MLIP: variants seen among roughly 807,000 people sequenced by gnomAD.
The protein encoded by MLIP is muscular LMNA-interacting protein.
MLIP carries 79 observed loss-of-function variants against 84.8 expected under a neutral mutation model. That is an observed-to-expected ratio of 0.93 (90% CI 0.78 to 1.12). The LOEUF (loss-of-function observed/expected upper bound fraction) is 1.12. Ranked by LOEUF, MLIP falls within the 50% of genes most tolerant of loss-of-function variation. MLIP has a pLI of 0.00. For synonymous variants in MLIP, 504 were observed against 463.0 expected, an observed-to-expected ratio of 1.09 and a Z score of -1.14; for missense variants, 1,257 against 1,160.6, an observed-to-expected ratio of 1.08 and a Z score of -1.21.
rs1193727976 is a variant in MLIP at position 54,169,588 on chromosome 6, A to G, written c.2544+16A>G. 6.4e-7 allele frequency: 1 copy of G among 1,565,866 alleles called. No individual in the cohort carries two copies. The stretch of plus-strand genomic sequence containing the variant: ...AACCAAATATGTAAGTACCTTTATA[A>G]TTATACACACTGCTTTTCAAATGGG... On this transcript the variant is annotated intron_variant, in intron 9 of 13. Coordinates refer to ENST00000502396, the MANE Select transcript of MLIP (RefSeq NM_001281747.2).
chr6:54,215,455 A>G, intron 11 of MLIP: 1 of 1,151,898 alleles, frequency 8.7e-7, no homozygotes, highest in Non-Finnish European at 1.1e-6. Context: ...AATTTTTTCC[A>G]AGTGCTTTCA....
intron 1 of MLIP, among the ~76,000 whole-genome samples, chr6:54,023,248 C>G (rs545757398): frequency 4.6e-5 from 7 of 151,426 alleles, no homozygotes; most frequent in African/African-American, 1.7e-4. Context: ...AGACTTGGTA[C>G]AATCAAATCA....
Position 54,119,545 on chromosome 6 carries a change from G to A in MLIP, c.97-1902G>A, listed in dbSNP as rs566816019. On this transcript the variant is annotated intron_variant, in intron 1 of 13. Coordinates refer to ENST00000502396, the MANE Select transcript of MLIP (RefSeq NM_001281747.2). ...TACCAGAGGCTGTGGTTGGTAGGAG[G>A]GAGGGGACTTGAGGAGATGTTGGTC... is the stretch of plus-strand genomic sequence containing the variant. Among the ~76,000 whole-genome samples, 3 of 152,252 alleles carry A rather than the reference G, an allele frequency of 2.0e-5. No individual in the cohort carries two copies. The South Asian group carries it at 6.2e-4, about 32-fold the overall frequency.
intron 1 of MLIP, among the ~76,000 whole-genome samples, chr6:54,099,768 G>T (rs1768503371): frequency 6.6e-6 from 1 of 152,148 alleles, no homozygotes; most frequent in Non-Finnish European, 1.5e-5. Context: ...TTTAGAATTG[G>T]TAATTAGAAC....
chr6:54,237,160 G>A (rs1781419513), intron 12 of MLIP, among the ~76,000 whole-genome samples: 1 of 151,776 alleles, frequency 6.6e-6, no homozygotes, highest in Admixed American at 6.6e-5. Context: ...AGACAAGGAG[G>A]AGAGGCATCT....
chr6:54,249,805 T>C (rs1294943013), intron 12 of MLIP, among the ~76,000 whole-genome samples: 1 of 151,918 alleles, frequency 6.6e-6, no homozygotes, highest in Non-Finnish European at 1.5e-5. Flanking sequence ...GTTTATTTAC[T>C]TTTATTTTAA....
intron 11 of MLIP, among the ~76,000 whole-genome samples, chr6:54,224,149 TA>T (rs1780414083): frequency 6.6e-6 from 1 of 151,990 alleles, no homozygotes; most frequent in Admixed American, 6.6e-5. Context: ...AGAACAGTTG[TA>T]AAACTCATAA....
At chr6:54,254,737 T>TCCCC (rs1782874988) in intron 12 of MLIP, among the ~76,000 whole-genome samples, 2 of 118,624 alleles carry the variant, frequency 1.7e-5, no homozygotes, top group African/African-American at 7.9e-5. Flanking sequence ...TTTTTTTTTC[T>TCCCC]CCCTCCCTTC....
chr6:54,162,523 T>A (rs1774752054), intron 8 of MLIP, among the ~76,000 whole-genome samples: 1 of 151,910 alleles, frequency 6.6e-6, no homozygotes, highest in African/African-American at 2.4e-5. Context: ...ATGAAAAATA[T>A]GGCTGCTGTG....
At chr6:54,153,453 C>T (rs1259300884) in intron 5 of MLIP, among the ~76,000 whole-genome samples, 1 of 152,108 alleles carries the variant, frequency 6.6e-6, no homozygotes, top group East Asian at 1.9e-4. Context: ...AGGTACACAA[C>T]ACCACACCCA....
intron 1 of MLIP, among the ~76,000 whole-genome samples, chr6:54,075,111 G>A (rs1345819465): frequency 1.3e-5 from 2 of 151,934 alleles, no homozygotes; most frequent in South Asian, 2.1e-4. Flanking sequence ...GCATGGCGTG[G>A]TGGCACATTC....
chr6:54,137,446 AC>A lies in MLIP; in HGVS notation c.1380del (p.Thr461ArgfsTer11), dbSNP rs1268056196. 1 of 1,535,572 alleles carries A rather than the reference AC, an allele frequency of 6.5e-7. No individual in the cohort carries two copies. The highest frequency in any genetic ancestry group is 1.4e-5 in the African/African-American group (1 of 72,910). On this transcript the variant is annotated frameshift_variant, in exon 4 of 14. Transcript: ENST00000502396. LOFTEE classifies it high-confidence loss of function. ...TTGACCAAAAAGAAAAGCAGACCCC[AC>A]CCACGCCTAAAAAATCTCTCTCAAG... ...TLDQKEKQTP[P>X]TPKKSLSSCS...
At chr6:54,074,389 A>G (rs1315794864) in intron 1 of MLIP, among the ~76,000 whole-genome samples, 1 of 151,370 alleles carries the variant, frequency 6.6e-6, no homozygotes, top group Non-Finnish European at 1.5e-5. Flanking sequence ...CTTGAGAAAA[A>G]ATAAAATTAA....
chr6:54,211,139 C>G (rs1779423226), intron 11 of MLIP, among the ~76,000 whole-genome samples: 1 of 152,140 alleles, frequency 6.6e-6, no homozygotes, highest in African/African-American at 2.4e-5. Context: ...ACTCAGGAGT[C>G]TGAGGCAGGA....
At chr6:54,172,629 T>C (rs1467749553) in intron 9 of MLIP, among the ~76,000 whole-genome samples, 3 of 151,526 alleles carry the variant, frequency 2.0e-5, no homozygotes, top group Admixed American at 2.0e-4. Flanking sequence ...GGGATAATTA[T>C]AATGGTTTAA....
intron 12 of MLIP, 66 bp from the exon 13 acceptor site, chr6:54,257,242 A>T: frequency 8.8e-7 from 1 of 1,135,070 alleles, no homozygotes; most frequent in Middle Eastern, 2.0e-4. Context: ...GTTTAAATGA[A>T]ATTTTAACAT....
intron 1 of MLIP, among the ~76,000 whole-genome samples, chr6:54,038,760 T>G (rs1027185550): frequency 6.6e-6 from 1 of 151,944 alleles, no homozygotes; most frequent in East Asian, 1.9e-4. Flanking sequence ...TTTCTTAGCA[T>G]GTATTATATA....
intron 1 of MLIP, among the ~76,000 whole-genome samples, chr6:54,080,639 CAT>C (rs148072857): frequency 0.037 from 5,483 of 150,164 alleles, 278 homozygotes; most frequent in African/African-American, 0.13. Context: ...TCTGAGAAAA[CAT>C]ATTTTTATAT....
Position 54,137,822 on chromosome 6 carries a change from A to G in MLIP, c.1753A>G (p.Thr585Ala). The change falls in exon 4 of 14, where the codon ACA becomes GCA. Residue 585 changes from threonine (T) to alanine (A), a missense_variant. Transcript: ENST00000502396. ...NPRNIHTYPS[T>A]LASSALSSLS... is the part of the protein sequence containing the mutation. ...CAGAAACATTCACACGTACCCTTCTACATTAGCCTCCTCTGCATTATCTTC... is the reference window on the plus strand; with the variant it reads ...CAGAAACATTCACACGTACCCTTCTGCATTAGCCTCCTCTGCATTATCTTC... 1 of 1,536,052 alleles carries G rather than the reference A, an allele frequency of 6.5e-7. No individual in the cohort carries two copies. The highest frequency in any genetic ancestry group is 8.7e-7 in the Non-Finnish European group (1 of 1,146,874).
Sources: allele counts gnomAD v4.1 joint callset (sites outside exome capture counted in the v4.1 genomes callset), GRCh38; gene constraint gnomAD v4.1.1; transcripts MANE v1.5; gene names NCBI Gene and HGNC (gene_info 2026-07-23, HGNC 2026-07-21).